Variants in GPATCH2 observed in about 807,000 individuals in gnomAD.
GPATCH2 encodes the protein G-patch domain containing 2.
Under a neutral mutation model 58.0 loss-of-function variants are expected in GPATCH2, and 51 were observed. That is an observed-to-expected ratio of 0.88 (90% CI 0.70 to 1.11). The LOEUF (loss-of-function observed/expected upper bound fraction) is 1.11, where lower values mean the gene tolerates loss of function less well. Ranked by LOEUF, GPATCH2 falls within the 50% of genes most tolerant of loss-of-function variation. The probability of loss-of-function intolerance (pLI) is 0.00; values close to 1 mark genes in which losing one functional copy is unlikely to be tolerated. For synonymous variants in GPATCH2, 222 were observed against 218.5 expected, an observed-to-expected ratio of 1.02 and a Z score of -0.14; for missense variants, 625 against 652.2, an observed-to-expected ratio of 0.96 and a Z score of 0.45.
intron 5 of GPATCH2, among the ~76,000 whole-genome samples, chr1:217,604,361 T>C (rs1571638424): frequency 6.7e-6 from 1 of 149,902 alleles, no homozygotes; most frequent in Non-Finnish European, 1.5e-5. Context: ...AAAAAAAAAG[T>C]ATCAGTGTCT....
At chr1:217,550,992 G>T (rs1206832451) in intron 5 of GPATCH2, among the ~76,000 whole-genome samples, 2 of 151,732 alleles carry the variant, frequency 1.3e-5, no homozygotes, top group African/African-American at 4.8e-5. Context: ...TACATGGACA[G>T]ATGATTTTTC....
At chr1:217,538,579 G>T (rs1395972251) in intron 5 of GPATCH2, among the ~76,000 whole-genome samples, 1 of 152,094 alleles carries the variant, frequency 6.6e-6, no homozygotes. Flanking sequence ...AATATCAAGG[G>T]TCTACTGTAA....
Position 217,542,376 on chromosome 1 carries a change from A to T in GPATCH2, c.1099-27487T>A, listed in dbSNP as rs191991493. 1.9e-4 allele frequency among the ~76,000 whole-genome samples: 29 copies of T among 152,296 alleles called. No homozygotes were observed. The East Asian group carries it at 5.6e-3, about 29-fold the overall frequency. On this transcript the variant is annotated intron_variant, in intron 5 of 9. Transcript: ENST00000366935. ...CACAGCACCCCATGCTATGCCCATT[A>T]TAGTTGGCTCAGGGATGTGGATATT...
chr1:217,493,051 G>T (rs899145954), intron 7 of GPATCH2, among the ~76,000 whole-genome samples: 2 of 152,090 alleles, frequency 1.3e-5, no homozygotes, highest in Non-Finnish European at 2.9e-5. Context: ...AACTAAATAA[G>T]TATTCTTAAA....
intron 7 of GPATCH2, 66 bp downstream of exon 7, chr1:217,498,290 G>C: frequency 8.4e-6 from 10 of 1,186,312 alleles, no homozygotes; most frequent in Non-Finnish European, 1.3e-5. Context: ...CTACTCTCCT[G>C]AAGGGAGACA....
chr1:217,627,433 C>T (rs1558538902), intron 1 of GPATCH2, among the ~76,000 whole-genome samples: 1 of 151,900 alleles, frequency 6.6e-6, no homozygotes, highest in East Asian at 1.9e-4. Context: ...TCCTTGAAGA[C>T]TCTATGGAGC....
At chr1:217,547,424 G>A (rs1002903228) in intron 5 of GPATCH2, among the ~76,000 whole-genome samples, 1 of 152,058 alleles carries the variant, frequency 6.6e-6, no homozygotes, top group Non-Finnish European at 1.5e-5. Flanking sequence ...ACTGCTGGCG[G>A]GAGTGTAAAT....
At chr1:217,444,357 G>C (rs1395641284) in intron 9 of GPATCH2, among the ~76,000 whole-genome samples, 1 of 152,178 alleles carries the variant, frequency 6.6e-6, no homozygotes, top group Non-Finnish European at 1.5e-5. Flanking sequence ...AGTAGTGTGA[G>C]TGAGTGTGGG....
intron 1 of GPATCH2, among the ~76,000 whole-genome samples, chr1:217,630,642 G>A (rs1395789482): frequency 6.6e-6 from 1 of 152,184 alleles, no homozygotes; most frequent in Non-Finnish European, 1.5e-5. Context: ...TCAATGAGGA[G>A]ATGAATTGCT....
chr1:217,511,817 CTG>C (rs35836441), intron 6 of GPATCH2, among the ~76,000 whole-genome samples: 18 of 148,898 alleles, frequency 1.2e-4, no homozygotes, highest in South Asian at 6.4e-4. Context: ...AACTGGAAGT[CTG>C]TGTGTGTGTG....
At chr1:217,451,128 G>A (rs191017217) in intron 8 of GPATCH2, among the ~76,000 whole-genome samples, 6 of 152,136 alleles carry the variant, frequency 3.9e-5, no homozygotes, top group African/African-American at 9.6e-5. Flanking sequence ...TGGTAGTGGC[G>A]GCAGGCATAA....
At chr1:217,511,817 CTGTGTGTG>C (rs35836441) in intron 6 of GPATCH2, among the ~76,000 whole-genome samples, 2 of 148,952 alleles carry the variant, frequency 1.3e-5, no homozygotes, top group Non-Finnish European at 3.0e-5. Flanking sequence ...AACTGGAAGT[CTGTGTGTG>C]TGTGTGTGTG....
At chr1:217,449,207 ACT>A in intron 9 of GPATCH2, 40 bp downstream of exon 9, 1 of 971,414 alleles carries the variant, frequency 1.0e-6, no homozygotes, top group African/African-American at 1.6e-5. Context: ...TGATTTATGA[ACT>A]CTACATTTGT....
intron 6 of GPATCH2, among the ~76,000 whole-genome samples, chr1:217,511,950 C>A (rs1662876472): frequency 6.6e-6 from 1 of 152,026 alleles, no homozygotes; most frequent in African/African-American, 2.4e-5. Context: ...TGTAAGGGAC[C>A]TCCCCCACAT....
At chr1:217,580,270 C>T (rs957359977) in intron 5 of GPATCH2, among the ~76,000 whole-genome samples, 3 of 152,190 alleles carry the variant, frequency 2.0e-5, no homozygotes, top group African/African-American at 7.2e-5. Flanking sequence ...TCCTCACTCC[C>T]CGACCTTCCA....
chr1:217,486,476 C>A lies in GPATCH2; in HGVS notation c.1277+5204G>T, dbSNP rs116774873. 9.6e-3 allele frequency among the ~76,000 whole-genome samples: 1,465 copies of A among 152,266 alleles called. 11 individuals carry two copies. The highest frequency in any genetic ancestry group is 0.048 in the Middle Eastern group (14 of 294). On this transcript the variant is annotated intron_variant, in intron 8 of 9. Transcript: ENST00000366935. ...AGTGCACTAGCATGATCATGGCTCACTGCAGCCTCGACTGCCCAGTTAGTT... is the reference window on the plus strand; with the variant it reads ...AGTGCACTAGCATGATCATGGCTCAATGCAGCCTCGACTGCCCAGTTAGTT...
chr1:217,611,375 T>G (rs1668622478), intron 3 of GPATCH2, among the ~76,000 whole-genome samples: 1 of 137,390 alleles, frequency 7.3e-6, no homozygotes, highest in Non-Finnish European at 1.7e-5. Context: ...AAACTTTTTA[T>G]TTTATACCAC....
At chr1:217,584,344 A>AAAAAAAAAAAAAAAATATATATAT (rs1463910405) in intron 5 of GPATCH2, among the ~76,000 whole-genome samples, 23 of 101,782 alleles carry the variant, frequency 2.3e-4, no homozygotes, top group East Asian at 1.2e-3. Context: ...AAAAAAAAAA[A>AAAAAAAAAAAAAAAATATATATAT]ATATATATAT....
At chr1:217,540,438 C>T (rs1446775697) in intron 5 of GPATCH2, among the ~76,000 whole-genome samples, 1 of 152,132 alleles carries the variant, frequency 6.6e-6, no homozygotes, top group Non-Finnish European at 1.5e-5. Flanking sequence ...TGCATGATTA[C>T]GTGTGAAAGT....
Sources: gnomAD v4.1 joint callset for allele counts (sites outside exome capture counted in the v4.1 genomes callset) on GRCh38, gnomAD v4.1.1 for gene constraint, MANE v1.5 for transcripts, NCBI Gene and HGNC (gene_info 2026-07-23, HGNC 2026-07-21) for gene names.